TOB2: variants seen among roughly 807,000 people sequenced by gnomAD.
TOB2 encodes transducer of ERBB2, 2, also known as protein Tob2.
Under a neutral mutation model 17.3 loss-of-function variants are expected in TOB2, and 3 were observed. The ratio of observed to expected loss-of-function variants is 0.17; its 90% CI spans 0.08 to 0.45. TOB2 has a LOEUF of 0.45. Among genes scored for constraint, TOB2 ranks in the 20% least tolerant of loss-of-function variants. The pLI, the probability that TOB2 is intolerant of heterozygous loss-of-function variation, is 0.99. For synonymous variants in TOB2, 163 were observed against 185.6 expected (o/e 0.88, Z 0.99); for missense variants, 407 against 445.7 (o/e 0.91, Z 0.78).
In TOB2 at chr22:41,436,601, G is replaced by A; in HGVS notation, c.745C>T (p.Pro249Ser). The stretch of plus-strand genomic sequence containing the variant: ...GCATTGGGTGAGAGCTGGGACTGAG[G>A]GGCCGGGTTGGCCGTGATGAAGTTC... ...SLNFITANPA[P>S]QSQLSPNAKE... is the part of the protein sequence containing the mutation. Residue 249 changes from proline to serine, a missense_variant, in exon 2 of 2, where the codon CCT (proline) becomes TCT (serine). Pro to Ser is a moderately conservative substitution (Grantham distance 74). Coordinates refer to ENST00000327492, the MANE Select transcript of TOB2 (RefSeq NM_016272.4). This position sits in a 1 kb window ranked among gnomAD's most constrained non-coding sequence, Gnocchi z 4.8. 1.2e-6 allele frequency: 2 copies of A among 1,612,446 alleles called. No individual in the cohort carries two copies. The highest frequency in any genetic ancestry group is 1.7e-6 in the Non-Finnish European group (2 of 1,179,322).
chr22:41,437,128 T>C lies in TOB2; in HGVS notation c.218A>G (p.Lys73Arg), dbSNP rs1194203184. The change falls in exon 2 of 2, where the codon AAG becomes AGG. Residue 73 changes from lysine to arginine, a missense_variant. Coordinates refer to ENST00000327492, the MANE Select transcript of TOB2 (RefSeq NM_016272.4). ...MVDPVVELAA[K>R]RSGLAVEDVR... ...ATCTTCCACCGCCAGGCCACTCCGC[T>C]TGGCGGCCAGCTCCACCACGGGGTC... 4 of 1,614,136 alleles carry C rather than the reference T, an allele frequency of 2.5e-6. No individual in the cohort carries two copies. The highest frequency in any genetic ancestry group is 3.4e-6 in the Non-Finnish European group (4 of 1,180,014).
rs2037516939 is a variant in TOB2 at position 41,434,014 on chromosome 22, C to T, written c.*2297G>A. On this transcript the variant is annotated 3_prime_UTR_variant, in exon 2 of 2. Transcript: ENST00000327492. ...TTATGTTTTTTACGTTAGAAATATA[C>T]ATATATTATATACCTCTTACATTTT... is the stretch of plus-strand genomic sequence containing the variant. The T allele has an allele frequency of 4.4e-6, 1 of 227,622 alleles. No homozygotes were observed. Among genetic ancestry groups the T allele is most frequent in the Non-Finnish European group, 9.0e-6 (1 of 110,694 alleles). 14.1% of individuals were successfully genotyped at this position (227,622 alleles called of 1,614,324 possible). A position where few individuals can be genotyped will look rare whatever the true frequency, so the allele number is the denominator to read the frequency against.
intron 1 of TOB2, among the ~76,000 whole-genome samples, chr22:41,444,236 C>G (rs544436179): frequency 1.3e-5 from 2 of 152,110 alleles, no homozygotes; most frequent in Non-Finnish European, 2.9e-5. Flanking sequence ...CCCAGACAGG[C>G]GGGTGTGTAT....
chr22:41,443,695 C>T (rs964423181), intron 1 of TOB2, among the ~76,000 whole-genome samples: 1 of 148,052 alleles, frequency 6.8e-6, no homozygotes, highest in African/African-American at 2.5e-5. Flanking sequence ...GCGATCTCGG[C>T]TCACCGCAAC....
intron 1 of TOB2, among the ~76,000 whole-genome samples, chr22:41,444,558 G>T (rs2037660202): frequency 6.6e-6 from 1 of 152,212 alleles, no homozygotes. Context: ...AGCACTTTGC[G>T]AAGGCCCAAC....
At chr22:41,440,916 C>A (rs2037611980) in intron 1 of TOB2, among the ~76,000 whole-genome samples, 2 of 151,976 alleles carry the variant, frequency 1.3e-5, no homozygotes, top group African/African-American at 4.8e-5. Context: ...CCATGTCACC[C>A]AGGCTGTTCT....
chr22:41,437,774 G>A (rs577049368), intron 1 of TOB2, among the ~76,000 whole-genome samples: 1 of 151,684 alleles, frequency 6.6e-6, no homozygotes, highest in South Asian at 2.1e-4. Context: ...ACATGATGAA[G>A]CCCCATCTCT....
At chr22:41,439,239 G>A (rs1480969024) in intron 1 of TOB2, among the ~76,000 whole-genome samples, 1 of 152,226 alleles carries the variant, frequency 6.6e-6, no homozygotes. Context: ...GCAAGGCTGT[G>A]CTGCTGAGCT....
intron 1 of TOB2, among the ~76,000 whole-genome samples, chr22:41,441,101 AG>A (rs2037614940): frequency 6.6e-6 from 1 of 151,674 alleles, no homozygotes; most frequent in Non-Finnish European, 1.5e-5. Context: ...GTGGATCACA[AG>A]GTCAGGAGAT....
intron 1 of TOB2, 122 bp from the exon 2 acceptor site, chr22:41,437,529 C>T (rs1003640065): frequency 5.1e-6 from 6 of 1,186,370 alleles, no homozygotes; most frequent in Middle Eastern, 2.9e-4. Context: ...TCTGCCCCAC[C>T]AGTGGCTCAT....
At position 41,434,529 on chromosome 22, in the gene TOB2, G is replaced by C. The variant is rs1317930547; in HGVS notation, c.*1782C>G. The C allele has an allele frequency of 6.5e-6, 1 of 152,944 alleles. No individual in the cohort carries two copies. The highest frequency in any genetic ancestry group is 2.4e-5 in the African/African-American group (1 of 41,468). 9.5% of individuals were successfully genotyped at this position (152,944 alleles called of 1,614,324 possible). ...AGATGGTGCTGGGCTGAGAAGCCAG[G>C]ACATTGCCTGCCGGGGGAGGTAGAG... On this transcript the variant is annotated 3_prime_UTR_variant, in exon 2 of 2. Transcript: ENST00000327492.
intron 1 of TOB2, among the ~76,000 whole-genome samples, chr22:41,443,350 G>C (rs1456660204): frequency 1.3e-5 from 2 of 152,134 alleles, no homozygotes; most frequent in African/African-American, 4.8e-5. Flanking sequence ...AGACAGTCTT[G>C]CTCTGTAGCC....
chr22:41,442,177 T>C (rs956290924), intron 1 of TOB2, among the ~76,000 whole-genome samples: 2 of 152,016 alleles, frequency 1.3e-5, no homozygotes, highest in Admixed American at 1.3e-4. Context: ...AAAGACAGTG[T>C]TTCCAAAGTA....
At position 41,436,493 on chromosome 22, in the gene TOB2, G is replaced by A. The variant is rs1453328286; in HGVS notation, c.853C>T (p.Pro285Ser). 1 of 1,613,842 alleles carries A rather than the reference G, an allele frequency of 6.2e-7. No homozygotes were observed. The highest frequency in any genetic ancestry group is 1.3e-5 in the African/African-American group (1 of 75,034). The change falls in exon 2 of 2, where the codon CCG (proline) becomes TCG (serine). Residue 285 changes from proline (P) to serine (S), a missense_variant. By Grantham distance (74) the Pro-to-Ser change is moderately conservative. Coordinates refer to ENST00000327492, the MANE Select transcript of TOB2 (RefSeq NM_016272.4). This position sits in a 1 kb window ranked among gnomAD's most constrained non-coding sequence, Gnocchi z 4.8. Reference protein sequence around the residue: ...ADGQGSGTPGPFGGSGAGTCN... With the variant: ...ADGQGSGTPGSFGGSGAGTCN... ...GTGCCAGCCCCACTGCCTCCAAACGGGCCTGGGGTGCCGCTGCCCTGGCCA... is the reference window on the plus strand; with the variant it reads ...GTGCCAGCCCCACTGCCTCCAAACGAGCCTGGGGTGCCGCTGCCCTGGCCA...
At chr22:41,438,029 T>G (rs2037573402) in intron 1 of TOB2, among the ~76,000 whole-genome samples, 1 of 145,124 alleles carries the variant, frequency 6.9e-6, no homozygotes, top group African/African-American at 2.5e-5. Context: ...TTTTCCACCA[T>G]CTTGAGAATT....
intron 1 of TOB2, among the ~76,000 whole-genome samples, chr22:41,443,430 C>T (rs1422470214): frequency 2.0e-5 from 3 of 151,992 alleles, no homozygotes; most frequent in African/African-American, 7.3e-5. Flanking sequence ...ACCAATTCTC[C>T]CGCCTCAGCC....
intron 1 of TOB2, among the ~76,000 whole-genome samples, chr22:41,444,527 C>T (rs945067453): frequency 6.6e-6 from 1 of 152,220 alleles, no homozygotes; most frequent in Admixed American, 6.5e-5. Flanking sequence ...ACCTACTTTC[C>T]CTGCACACTA....
chr22:41,441,522 T>C (rs191501798), intron 1 of TOB2, among the ~76,000 whole-genome samples: 30 of 152,128 alleles, frequency 2.0e-4, no homozygotes, highest in Admixed American at 1.7e-3. Context: ...CTCACACCTG[T>C]AATCCCAGCA....
intron 1 of TOB2, among the ~76,000 whole-genome samples, chr22:41,438,718 A>T (rs1428881945): frequency 6.6e-6 from 1 of 150,860 alleles, no homozygotes; most frequent in African/African-American, 2.4e-5. Flanking sequence ...ACCTGTCACA[A>T]TCAGAGATGT....
Sources: allele counts gnomAD v4.1 joint callset (sites outside exome capture counted in the v4.1 genomes callset), GRCh38; gene constraint gnomAD v4.1.1; non-coding constraint Gnocchi (gnomAD v3.1); transcripts MANE v1.5; gene names NCBI Gene and HGNC (gene_info 2026-07-23, HGNC 2026-07-21).